Variants in SGCG observed in about 807,000 individuals in gnomAD.
SGCG encodes sarcoglycan gamma, also known as gamma-sarcoglycan.
Under a neutral mutation model 29.3 loss-of-function variants are expected in SGCG, and 26 were observed. The observed-to-expected ratio is 0.89, with a 90% CI of 0.65 to 1.23. SGCG has a LOEUF of 1.23. Among genes scored for constraint, SGCG ranks in the 50% most tolerant of loss-of-function variants. The pLI is 0.00. For missense variants in SGCG, 353 were observed against 356.0 expected (o/e 0.99, Z 0.07); for synonymous variants, 145 against 129.7 (o/e 1.12, Z -0.80).
intron 6 of SGCG, among the ~76,000 whole-genome samples, chr13:23,314,184 AT>A (rs1040728216): frequency 1.5e-5 from 2 of 130,780 alleles, no homozygotes; most frequent in African/African-American, 5.1e-5. Flanking sequence ...CAGTATATAT[AT>A]ATATAGAGAG....
intron 4 of SGCG, among the ~76,000 whole-genome samples, chr13:23,265,417 A>T (rs952192907): frequency 6.6e-6 from 1 of 152,100 alleles, no homozygotes; most frequent in African/African-American, 2.4e-5. Flanking sequence ...TTTCTACTAA[A>T]AATACAAAAG....
chr13:23,162,142 A>C, the SGCG span, among the ~76,000 whole-genome samples: 3 of 152,356 alleles, frequency 2.0e-5, no homozygotes, highest in East Asian at 5.8e-4. Flanking sequence ...CAGGATAATA[A>C]TACTCCATTT....
intron 3 of SGCG, chr13:23,244,422 A>C (rs1879622051): frequency 6.6e-6 from 1 of 152,218 alleles, no homozygotes; most frequent in Non-Finnish European, 1.5e-5. Flanking sequence ...GTAACATGGT[A>C]TTTCTTATAG....
chr13:23,305,991 C>T (rs1047072053), intron 6 of SGCG, among the ~76,000 whole-genome samples: 1 of 152,138 alleles, frequency 6.6e-6, no homozygotes, highest in East Asian at 1.9e-4. Flanking sequence ...CCCACCTCAG[C>T]CTCCAAGTAG....
At chr13:23,287,748 G>A (rs1881549067) in intron 5 of SGCG, among the ~76,000 whole-genome samples, 1 of 151,248 alleles carries the variant, frequency 6.6e-6, no homozygotes, top group African/African-American at 2.4e-5. Context: ...TTTTTTGTTT[G>A]TTTGTTTGTT....
At chr13:23,215,760 A>G (rs965796540) in intron 2 of SGCG, among the ~76,000 whole-genome samples, 1 of 152,042 alleles carries the variant, frequency 6.6e-6, no homozygotes, top group Non-Finnish European at 1.5e-5. Context: ...GGATCCCAGC[A>G]TGGATGATTT....
chr13:23,306,339 G>A (rs1882361236), intron 6 of SGCG, among the ~76,000 whole-genome samples: 1 of 152,168 alleles, frequency 6.6e-6, no homozygotes, highest in Admixed American at 6.5e-5. Context: ...TTTAAAGACA[G>A]TGTTTTAATA....
At chr13:23,233,158 C>T (rs1879174824) in intron 2 of SGCG, among the ~76,000 whole-genome samples, 1 of 152,110 alleles carries the variant, frequency 6.6e-6, no homozygotes, top group Non-Finnish European at 1.5e-5. Flanking sequence ...AATGTGGAAG[C>T]AACCCAAGTA....
intron 5 of SGCG, among the ~76,000 whole-genome samples, chr13:23,284,065 A>G (rs1286900977): frequency 6.6e-6 from 1 of 152,138 alleles, no homozygotes; most frequent in Non-Finnish European, 1.5e-5. Context: ...ACCTTGGTGA[A>G]TCTGACAATT....
the SGCG span, among the ~76,000 whole-genome samples, chr13:23,168,666 C>G: frequency 3.3e-5 from 5 of 152,128 alleles, no homozygotes; most frequent in Non-Finnish European, 7.4e-5. Context: ...TTTCTGTCTT[C>G]AACAAGAACT....
chr13:23,252,517 A>C (rs747641150), intron 4 of SGCG, among the ~76,000 whole-genome samples: 8 of 151,952 alleles, frequency 5.3e-5, no homozygotes, highest in Non-Finnish European at 1.0e-4. Context: ...CAGTGAAACC[A>C]CGTCTCTACT....
chr13:23,185,389 G>A (rs35248818), intron 1 of SGCG, among the ~76,000 whole-genome samples: 25,262 of 152,072 alleles, frequency 0.17, 2,750 homozygotes, highest in Admixed American at 0.3. Context: ...ACAGGGTTTC[G>A]TCATGTTGGC....
intron 6 of SGCG, among the ~76,000 whole-genome samples, chr13:23,304,328 C>T (rs1484347508): frequency 6.6e-6 from 1 of 151,796 alleles, no homozygotes; most frequent in Non-Finnish European, 1.5e-5. Flanking sequence ...ACAATTAGAC[C>T]TCTGATCCAC....
chr13:23,215,899 A>C (rs1238603485), intron 2 of SGCG, among the ~76,000 whole-genome samples: 4 of 151,776 alleles, frequency 2.6e-5, no homozygotes, highest in Non-Finnish European at 5.9e-5. Flanking sequence ...AATGTGGAAG[A>C]CCAATTTGAG....
At chr13:23,185,571 A>G (rs1343329379) in intron 1 of SGCG, among the ~76,000 whole-genome samples, 1 of 152,192 alleles carries the variant, frequency 6.6e-6, no homozygotes, top group Non-Finnish European at 1.5e-5. Context: ...AGCTGGAGAT[A>G]TGCGTGCCAT....
In SGCG at chr13:23,255,636, A is replaced by G. The variant is rs913158668; in HGVS notation, c.385+4919A>G. Among the ~76,000 whole-genome samples, 6 of 152,194 alleles carry G rather than the reference A, an allele frequency of 3.9e-5. 1 individual carries two copies. The highest frequency in any genetic ancestry group is 1.4e-4 in the African/African-American group (6 of 41,442). On this transcript the variant is annotated intron_variant, in intron 4 of 7. Coordinates refer to ENST00000218867, the MANE Select transcript of SGCG (RefSeq NM_000231.3). ...TTTGGGTCATACAGGTAGATCCCTC[A>G]TGATTGGTTTAGTGCCATCCCCTTG...
At chr13:23,217,900 A>C (rs1289726249) in intron 2 of SGCG, among the ~76,000 whole-genome samples, 2 of 152,134 alleles carry the variant, frequency 1.3e-5, no homozygotes, top group African/African-American at 4.8e-5. Context: ...GTAGCTGATG[A>C]GTATACTTCC....
At chr13:23,275,320 G>A (rs1881030169) in intron 4 of SGCG, among the ~76,000 whole-genome samples, 1 of 151,800 alleles carries the variant, frequency 6.6e-6, no homozygotes, top group African/African-American at 2.4e-5. Flanking sequence ...TTCAAGACTA[G>A]CCTGGGCAAC....
intron 3 of SGCG, among the ~76,000 whole-genome samples, chr13:23,249,481 G>T (rs576047765): frequency 1.3e-5 from 2 of 152,242 alleles, no homozygotes; most frequent in East Asian, 3.9e-4. Flanking sequence ...TGCTTTTTCA[G>T]TTGGTTTTTA....
Sources: allele counts gnomAD v4.1 joint callset (sites outside exome capture counted in the v4.1 genomes callset), GRCh38; gene constraint gnomAD v4.1.1; transcripts MANE v1.5; gene names NCBI Gene and HGNC (gene_info 2026-07-23, HGNC 2026-07-21).